Variants in RPGRIP1 observed in about 807,000 individuals in gnomAD.
RPGRIP1 encodes the protein X-linked retinitis pigmentosa GTPase regulator-interacting protein 1.
Under a neutral mutation model 157.9 loss-of-function variants are expected in RPGRIP1, and 128 were observed. The ratio of observed to expected loss-of-function variants is 0.81; its 90% CI spans 0.70 to 0.94. The LOEUF is 0.94. Ranked by LOEUF, RPGRIP1 falls within the 40% of genes least tolerant of loss-of-function variation. The pLI is 0.00. For missense variants in RPGRIP1, 1,486 were observed against 1,545.8 expected, an observed-to-expected ratio of 0.96 and a Z score of 0.65; for synonymous variants, 554 against 571.6, an observed-to-expected ratio of 0.97 and a Z score of 0.44.
chr14:21,347,049 C>T (rs8004388), intron 23 of RPGRIP1, among the ~76,000 whole-genome samples: 135,062 of 152,262 alleles, frequency 0.89, 60,145 homozygotes, highest in Middle Eastern at 0.94. Flanking sequence ...GTGCTAATGT[C>T]AAATTTAGCT....
intron 3 of RPGRIP1, among the ~76,000 whole-genome samples, chr14:21,296,695 G>A (rs548131360): frequency 4.6e-5 from 7 of 150,728 alleles, no homozygotes; most frequent in South Asian, 4.3e-4. Flanking sequence ...AGTGGCTCAC[G>A]CCTATAATCC....
chr14:21,311,676 A>T, intron 8 of RPGRIP1, 148 bp from the exon 9 acceptor site: 1 of 510,324 alleles, frequency 2.0e-6, no homozygotes, highest in Non-Finnish European at 3.3e-6. Flanking sequence ...GTGAAAAACA[A>T]GGTTAACGAA....
chr14:21,301,209 T>C lies in RPGRIP1; in HGVS notation c.462T>C (p.Gly154=). 1 of 1,592,260 alleles carries C rather than the reference T, an allele frequency of 6.3e-7. No individual in the cohort carries two copies. Among genetic ancestry groups the C allele is most frequent in the Non-Finnish European group, 8.5e-7 (1 of 1,170,322 alleles). ...GACACAGACAGCTCCACACAGCCGG[T>C]GCACCGGTGCCGGAGAAACCCAAGA... is the stretch of plus-strand genomic sequence containing the variant. The part of the protein sequence containing the change: ...QVGHRQLHTA[G]APVPEKPKRG... The change falls in exon 4 of 25, where the codon GGT becomes GGC. Residue 154 remains glycine, a synonymous_variant. Transcript: ENST00000400017.
At chr14:21,340,390 C>T (rs1019752867) in intron 21 of RPGRIP1, among the ~76,000 whole-genome samples, 1 of 152,210 alleles carries the variant, frequency 6.6e-6, no homozygotes, top group Non-Finnish European at 1.5e-5. Context: ...CGCAATGGCT[C>T]ACGCCTGTAG....
intron 21 of RPGRIP1, among the ~76,000 whole-genome samples, chr14:21,339,052 C>CT (rs1010590725): frequency 6.6e-6 from 1 of 152,138 alleles, no homozygotes; most frequent in African/African-American, 2.4e-5. Context: ...AGGAGAATCG[C>CT]TTGAGCCCAG....
intron 3 of RPGRIP1, among the ~76,000 whole-genome samples, chr14:21,299,301 C>T (rs577694364): frequency 2.6e-5 from 4 of 151,580 alleles, no homozygotes; most frequent in South Asian, 4.2e-4. Context: ...CGCAAAGGGC[C>T]GATTTTTTTT....
In RPGRIP1 at chr14:21,307,845, C is replaced by T; in HGVS notation, c.906+9C>T. 6.8e-7 allele frequency: 1 copy of T among 1,471,772 alleles called. No homozygotes were observed. The highest frequency in any genetic ancestry group is 9.2e-7 in the Non-Finnish European group (1 of 1,085,652). 91.2% of individuals were successfully genotyped at this position (1,471,772 alleles called of 1,614,324 possible). A position where few individuals can be genotyped will look rare whatever the true frequency, so the allele number is the denominator to read the frequency against. On this transcript the variant is annotated intron_variant, in intron 7 of 24. Coordinates refer to ENST00000400017, the MANE Select transcript of RPGRIP1 (RefSeq NM_020366.4). ...TAACAGAAGTTCAAGAGGTGAGTTG[C>T]CATCATCAGCTGTGCTTTCTTGGTG...
chr14:21,325,353 G>A lies in RPGRIP1; in HGVS notation c.2337G>A (p.Val779=). The A allele has an allele frequency of 6.3e-7, 1 of 1,594,430 alleles. No individual in the cohort carries two copies. Among genetic ancestry groups the A allele is most frequent in the Non-Finnish European group, 8.5e-7 (1 of 1,170,294 alleles). The change falls in exon 16 of 25, where the codon GTG becomes GTA. Residue 779 remains valine (V), a synonymous_variant. Transcript: ENST00000400017. ...KKAQVYLSTD[V]LGGRKAQEEE... Reference sequence around the variant, plus strand: ...CCCAGGTCTACCTGTCAACCGATGTGCTTGGAGGCCGGAAGGCCCAGGAAG... The same window carrying A: ...CCCAGGTCTACCTGTCAACCGATGTACTTGGAGGCCGGAAGGCCCAGGAAG...
chr14:21,350,468 A>G (rs1264847537), intron 24 of RPGRIP1, among the ~76,000 whole-genome samples: 3 of 151,786 alleles, frequency 2.0e-5, no homozygotes, highest in Non-Finnish European at 2.9e-5. Context: ...TTAATGAATC[A>G]TGGTATAAAA....
chr14:21,316,911 G>T (rs1257859641), intron 10 of RPGRIP1, among the ~76,000 whole-genome samples: 1 of 152,024 alleles, frequency 6.6e-6, no homozygotes, highest in African/African-American at 2.4e-5. Context: ...CCTGAGGTCA[G>T]GAGTTCAAGA....
chr14:21,347,807 C>A (rs1419118772), intron 23 of RPGRIP1, among the ~76,000 whole-genome samples: 1 of 152,164 alleles, frequency 6.6e-6, no homozygotes, highest in Non-Finnish European at 1.5e-5. Flanking sequence ...CAGCCCACTG[C>A]ATCCTCGACC....
intron 21 of RPGRIP1, among the ~76,000 whole-genome samples, chr14:21,340,796 G>A (rs1180458914): frequency 6.6e-6 from 1 of 152,084 alleles, no homozygotes; most frequent in African/African-American, 2.4e-5. Flanking sequence ...CAAGTTTCAA[G>A]AAACCAGGCT....
At chr14:21,282,043 T>A (rs1566663343) in intron 1 of RPGRIP1, among the ~76,000 whole-genome samples, 1 of 151,742 alleles carries the variant, frequency 6.6e-6, no homozygotes, top group Non-Finnish European at 1.5e-5. Context: ...TGCAGTAAAC[T>A]GAGATTGCAA....
chr14:21,324,400 T>C, intron 14 of RPGRIP1: 2 of 593,170 alleles, frequency 3.4e-6, no homozygotes, highest in Non-Finnish European at 6.0e-6. Context: ...ACTCCTTTTG[T>C]ACCTTCTCCC....
chr14:21,332,130 G>A (rs1356278376), intron 20 of RPGRIP1, among the ~76,000 whole-genome samples: 1 of 151,858 alleles, frequency 6.6e-6, no homozygotes, highest in African/African-American at 2.4e-5. Flanking sequence ...GTAGAGACTG[G>A]ATTTCATCAT....
Position 21,348,245 on chromosome 14 carries a change from C to A in RPGRIP1, c.3691C>A (p.Leu1231Ile). The change falls in exon 24 of 25, where the codon CTT becomes ATT. Residue 1231 changes from leucine to isoleucine, a missense_variant. Coordinates refer to ENST00000400017, the MANE Select transcript of RPGRIP1 (RefSeq NM_020366.4). ...KECEEVGYAY[L>I]QLWQILESGR... Reference sequence around the variant, plus strand: ...ATGTGAAGAAGTGGGATATGCATATCTTCAACTGTGGCAGATCCTGGAGTC... The same window carrying A: ...ATGTGAAGAAGTGGGATATGCATATATTCAACTGTGGCAGATCCTGGAGTC... 6.3e-7 allele frequency: 1 copy of A among 1,592,124 alleles called. No individual in the cohort carries two copies. Among genetic ancestry groups the A allele is most frequent in the Non-Finnish European group, 8.6e-7 (1 of 1,168,276 alleles).
chr14:21,281,980 A>C (rs1418589386), intron 1 of RPGRIP1, among the ~76,000 whole-genome samples: 1 of 152,074 alleles, frequency 6.6e-6, no homozygotes, highest in Non-Finnish European at 1.5e-5. Context: ...CTGTAATCCC[A>C]GCTACTCTGG....
chr14:21,303,229 A>T, intron 5 of RPGRIP1, 102 bp from the exon 6 acceptor site: 1 of 769,822 alleles, frequency 1.3e-6, no homozygotes, highest in Non-Finnish European at 2.1e-6. Context: ...TTTCCTCGAC[A>T]TGTACCAAGG....
chr14:21,302,621 G>A, intron 5 of RPGRIP1, 37 bp downstream of exon 5: 2 of 1,258,232 alleles, frequency 1.6e-6, no homozygotes, highest in African/African-American at 1.5e-5. Context: ...TGTTATTCCT[G>A]CCACTTTAAT....
Sources: gnomAD v4.1 joint callset for allele counts (sites outside exome capture counted in the v4.1 genomes callset) on GRCh38, gnomAD v4.1.1 for gene constraint, MANE v1.5 for transcripts, NCBI Gene and HGNC (gene_info 2026-07-23, HGNC 2026-07-21) for gene names.